The following SMAD2 variants were observed in gnomAD, a reference collection of about 807,000 sequenced individuals.
The protein encoded by SMAD2 is MAD homolog 2.
SMAD2 carries 8 observed loss-of-function variants against 64.4 expected under a neutral mutation model. That is an observed-to-expected ratio of 0.12 (90% CI 0.07 to 0.22). The LOEUF is 0.22. Among genes scored for constraint, SMAD2 ranks in the 10% least tolerant of loss-of-function variants. SMAD2 has a pLI of 1.00. For synonymous variants in SMAD2, 203 were observed against 195.8 expected (o/e 1.04, Z -0.31); for missense variants, 289 against 561.2 (o/e 0.51, Z 4.90).
chr18:47,878,047 AAAAC>A (rs898319680), intron 2 of SMAD2, among the ~76,000 whole-genome samples: 5 of 152,148 alleles, frequency 3.3e-5, no homozygotes, highest in Non-Finnish European at 5.9e-5. Context: ...TAACCATTCA[AAAAC>A]AAACAGTCAC....
At position 47,839,201 on chromosome 18, in the gene SMAD2, C is replaced by T. The variant is rs529132557; in HGVS notation, c.*2626G>A. 1.3e-4 allele frequency: 30 copies of T among 233,236 alleles called. No individual in the cohort carries two copies. The highest frequency in any genetic ancestry group is 3.6e-4 in the South Asian group (2 of 5,516). 14.4% of individuals were successfully genotyped at this position (233,236 alleles called of 1,614,324 possible). A position where few individuals can be genotyped will look rare whatever the true frequency, so the allele number is the denominator to read the frequency against. On this transcript the variant is annotated 3_prime_UTR_variant, in exon 11 of 11. Transcript: ENST00000262160. The stretch of plus-strand genomic sequence containing the variant: ...CCAATTTCATACTGTACAGAAAAAT[C>T]GCATCAGAACTGTAGAGATGCGCTC...
At chr18:47,894,681 T>C (rs969378988) in intron 2 of SMAD2, among the ~76,000 whole-genome samples, 1 of 152,196 alleles carries the variant, frequency 6.6e-6, no homozygotes, top group Non-Finnish European at 1.5e-5. Context: ...GCCCCAAGCA[T>C]ACTTCTTTTA....
chr18:47,850,250 ATATATTATGTATAATATATAT>A (rs1272916554), intron 7 of SMAD2, among the ~76,000 whole-genome samples: 3 of 78,134 alleles, frequency 3.8e-5, no homozygotes, highest in Non-Finnish European at 6.4e-5. Context: ...TATATATTAT[ATATATTATGTATAATATATAT>A]TATATATTAT....
intron 7 of SMAD2, among the ~76,000 whole-genome samples, chr18:47,849,152 A>C (rs1472654252): frequency 3.3e-5 from 5 of 152,206 alleles, no homozygotes; most frequent in African/African-American, 1.2e-4. Context: ...AAAATATGAC[A>C]TATTTTTGAC....
At chr18:47,923,450 A>G (rs2034644001) in intron 1 of SMAD2, 1 of 152,250 alleles carries the variant, frequency 6.6e-6, no homozygotes, top group Non-Finnish European at 1.5e-5. Context: ...CTAATACAGT[A>G]GCCATCAGCT....
Position 47,832,600 on chromosome 18 carries a change from G to C in SMAD2, c.*9227C>G, listed in dbSNP as rs1483701203. On this transcript the variant is annotated 3_prime_UTR_variant, in exon 11 of 11. Transcript: ENST00000262160. The stretch of plus-strand genomic sequence containing the variant: ...AACTGAATTCTTGCAAGGCACAAAG[G>C]AAGTGTGGCTGACCTAAATATTTCT... 1 of 152,106 alleles carries C rather than the reference G, an allele frequency of 6.6e-6. No homozygotes were observed. The highest frequency in any genetic ancestry group is 2.4e-5 in the African/African-American group (1 of 41,416). 9.4% of individuals were successfully genotyped at this position (152,106 alleles called of 1,614,324 possible). A position where few individuals can be genotyped will look rare whatever the true frequency, so the allele number is the denominator to read the frequency against.
In SMAD2 at chr18:47,833,803, G is replaced by A. The variant is rs1019791806; in HGVS notation, c.*8024C>T. 8.7e-6 allele frequency: 2 copies of A among 230,554 alleles called. No homozygotes were observed. Among genetic ancestry groups the A allele is most frequent in the African/African-American group, 2.2e-5 (1 of 45,158 alleles). 14.3% of individuals were successfully genotyped at this position (230,554 alleles called of 1,614,324 possible). A position where few individuals can be genotyped will look rare whatever the true frequency, so the allele number is the denominator to read the frequency against. ...GAACAGACTGGGAAATGCAGTAGAC[G>A]CCAGAGCATCAAAGGCCATGTATTT... On this transcript the variant is annotated 3_prime_UTR_variant, in exon 11 of 11. Transcript: ENST00000262160.
intron 1 of SMAD2, among the ~76,000 whole-genome samples, chr18:47,915,431 T>C (rs1428715684): frequency 1.3e-5 from 2 of 152,238 alleles, no homozygotes; most frequent in African/African-American, 4.8e-5. Context: ...CACAGTTCAC[T>C]GTCCATTCAC....
In SMAD2 at chr18:47,841,686, G is replaced by C; in HGVS notation, c.*141C>G. The C allele has an allele frequency of 1.2e-6, 1 of 826,504 alleles. No individual in the cohort carries two copies. Among genetic ancestry groups the C allele is most frequent in the Non-Finnish European group, 2.0e-6 (1 of 495,588 alleles). The allele number at this position is 826,504 out of a possible 1,614,324, so 51.2% of individuals were successfully genotyped here. On this transcript the variant is annotated 3_prime_UTR_variant, in exon 11 of 11. Transcript: ENST00000262160. The stretch of plus-strand genomic sequence containing the variant: ...CAAATATAGGAAACAGATTCCACAA[G>C]GTGCTTTAATTGATGAGACCTCAAG...
At chr18:47,907,673 C>T (rs1010339135) in intron 1 of SMAD2, among the ~76,000 whole-genome samples, 3 of 152,172 alleles carry the variant, frequency 2.0e-5, no homozygotes, top group African/African-American at 4.8e-5. Flanking sequence ...CAGAACTGGC[C>T]GAGCCCAGTG....
At position 47,927,582 on chromosome 18, in the gene SMAD2, A is replaced by G. The variant is rs1299249506; in HGVS notation, c.-54+2779T>C. Among the ~76,000 whole-genome samples, 5 of 152,350 alleles carry G rather than the reference A, an allele frequency of 3.3e-5. No individual in the cohort carries two copies. The South Asian group carries it at 6.2e-4, about 19-fold the overall frequency. On this transcript the variant is annotated intron_variant, in intron 1 of 10. Transcript: ENST00000262160. ...ACACAGAAAAAGCTGTTTGTTGAAT[A>G]AATGAATAAATGTATTTGTTGAAAA...
intron 1 of SMAD2, among the ~76,000 whole-genome samples, chr18:47,905,271 TAAG>T (rs2144500184): frequency 6.6e-6 from 1 of 152,272 alleles, no homozygotes; most frequent in Admixed American, 6.5e-5. Flanking sequence ...ATCTCAACAC[TAAG>T]AATTACAAAA....
At chr18:47,846,662 G>A (rs1478839862) in intron 8 of SMAD2, among the ~76,000 whole-genome samples, 2 of 152,148 alleles carry the variant, frequency 1.3e-5, no homozygotes, top group African/African-American at 4.8e-5. Context: ...GAATTCAGGA[G>A]GCATCTAGGA....
intron 7 of SMAD2, among the ~76,000 whole-genome samples, chr18:47,849,562 T>A (rs1914886826): frequency 6.6e-6 from 1 of 151,828 alleles, no homozygotes; most frequent in Admixed American, 6.6e-5. Context: ...TCCCCCTAAC[T>A]AAAAACCCTT....
Position 47,832,925 on chromosome 18 carries a change from CAAATT to C in SMAD2, c.*8897_*8901del, listed in dbSNP as rs1385349994. The C allele has an allele frequency of 6.3e-6, 1 of 159,014 alleles. No individual in the cohort carries two copies. The highest frequency in any genetic ancestry group is 6.5e-5 in the Admixed American group (1 of 15,270). The allele number at this position is 159,014 out of a possible 1,614,324, so 9.9% of individuals were successfully genotyped here. A position where few individuals can be genotyped will look rare whatever the true frequency, so the allele number is the denominator to read the frequency against. ...GATAGGATAATCTTTTATGTAACAC[CAAATT>C]AAAAAAACAAAAACATGTACTCTTA... On this transcript the variant is annotated 3_prime_UTR_variant, in exon 11 of 11. Transcript: ENST00000262160.
rs1402196901 is a variant in SMAD2, at chr18:47,838,229, AAGAC to A, written c.*3594_*3597del. 3 of 233,300 alleles carry A rather than the reference AAGAC, an allele frequency of 1.3e-5. No homozygotes were observed. The highest frequency in any genetic ancestry group is 6.1e-5 in the East Asian group (1 of 16,488). 14.5% of individuals were successfully genotyped at this position (233,300 alleles called of 1,614,324 possible). A position where few individuals can be genotyped will look rare whatever the true frequency, so the allele number is the denominator to read the frequency against. ...AGGGAAAGCATTTGACAGTGTTTAA[AAGAC>A]AGACAAATCAAGCAAAACTCAATGT... On this transcript the variant is annotated 3_prime_UTR_variant, in exon 11 of 11. Coordinates refer to ENST00000262160, the MANE Select transcript of SMAD2 (RefSeq NM_005901.6).
chr18:47,906,349 G>GT (rs1308098405), intron 1 of SMAD2, among the ~76,000 whole-genome samples: 3 of 152,122 alleles, frequency 2.0e-5, no homozygotes, highest in Admixed American at 2.0e-4. Context: ...TCAAATCTGT[G>GT]TATGTAACAT....
chr18:47,883,205 T>C (rs2144424934), intron 2 of SMAD2, among the ~76,000 whole-genome samples: 1 of 152,372 alleles, frequency 6.6e-6, no homozygotes, highest in African/African-American at 2.4e-5. Context: ...ATATGTGATA[T>C]GCTGTATTTT....
chr18:47,906,319 G>T (rs543721078), intron 1 of SMAD2, among the ~76,000 whole-genome samples: 1 of 152,088 alleles, frequency 6.6e-6, no homozygotes, highest in African/African-American at 2.4e-5. Context: ...CGGGTCCCAA[G>T]CATTTTGGAT....
Sources: gnomAD v4.1 joint callset for allele counts (sites outside exome capture counted in the v4.1 genomes callset) on GRCh38, gnomAD v4.1.1 for gene constraint, MANE v1.5 for transcripts, NCBI Gene and HGNC (gene_info 2026-07-23, HGNC 2026-07-21) for gene names.